The following ADAMTSL1 variants were observed in gnomAD, a reference collection of about 807,000 sequenced individuals.
ADAMTSL1 encodes ADAMTS like 1.
In ADAMTSL1, 126 loss-of-function variants were observed where a neutral mutation model predicts 201.8. The observed-to-expected ratio is 0.62, with a 90% confidence interval of 0.54 to 0.72. The LOEUF is 0.72. Among genes scored for constraint, ADAMTSL1 ranks in the 30% least tolerant of loss-of-function variants. ADAMTSL1 has a pLI of 0.00. For missense variants in ADAMTSL1, 2,679 were observed against 2,277.8 expected (o/e 1.18, Z -3.59); for synonymous variants, 1,121 against 903.4 (o/e 1.24, Z -4.32).
At chr9:18,726,710 A>G (rs1817916791) in intron 15 of ADAMTSL1, among the ~76,000 whole-genome samples, 1 of 152,218 alleles carries the variant, frequency 6.6e-6, no homozygotes, top group Non-Finnish European at 1.5e-5. Flanking sequence ...TTAAGTAAGC[A>G]ATGAAAGCCA....
chr9:18,121,337 A>G (rs1013778767), intron 1 of ADAMTSL1, among the ~76,000 whole-genome samples: 1 of 152,192 alleles, frequency 6.6e-6, no homozygotes, highest in Admixed American at 6.5e-5. Context: ...CAAAAAACTC[A>G]AACTAATTTG....
chr9:17,932,052 A>C (rs546604462), intron 1 of ADAMTSL1, among the ~76,000 whole-genome samples: 15 of 152,220 alleles, frequency 9.9e-5, no homozygotes, highest in Admixed American at 2.0e-4. Context: ...ACAGGTTTGG[A>C]TATCTTTGTG....
At chr9:18,124,416 A>G (rs966367399) in intron 1 of ADAMTSL1, among the ~76,000 whole-genome samples, 6 of 151,938 alleles carry the variant, frequency 3.9e-5, no homozygotes, top group Admixed American at 2.6e-4. Flanking sequence ...ATCTATTCAA[A>G]TGTTTTGCCA....
At chr9:18,868,243 C>T (rs984121861) in intron 23 of ADAMTSL1, among the ~76,000 whole-genome samples, 5 of 152,142 alleles carry the variant, frequency 3.3e-5, no homozygotes, top group Non-Finnish European at 1.5e-5. Context: ...TATTTTAACA[C>T]TCTGTTTTAA....
intron 1 of ADAMTSL1, among the ~76,000 whole-genome samples, chr9:18,501,407 A>G (rs544097229): frequency 2.7e-5 from 4 of 150,328 alleles, no homozygotes; most frequent in Admixed American, 6.7e-5. Context: ...GCTACTCAAG[A>G]GGCTGAGGCA....
intron 9 of ADAMTSL1, among the ~76,000 whole-genome samples, chr9:18,671,506 C>A (rs971233006): frequency 4.6e-5 from 7 of 152,080 alleles, no homozygotes; most frequent in African/African-American, 1.4e-4. Flanking sequence ...GTGAAGGTAG[C>A]CCCAGTGTAC....
intron 13 of ADAMTSL1, among the ~76,000 whole-genome samples, chr9:18,705,210 T>C (rs1587939515): frequency 6.6e-6 from 1 of 152,364 alleles, no homozygotes; most frequent in East Asian, 1.9e-4. Flanking sequence ...TTATCAGTTC[T>C]TTCATTGTCT....
intron 2 of ADAMTSL1, among the ~76,000 whole-genome samples, chr9:18,305,880 A>G (rs1012233950): frequency 6.6e-5 from 10 of 152,230 alleles, no homozygotes; most frequent in Admixed American, 5.2e-4. Context: ...TGCCTCCTCA[A>G]GTGGGTCCCT....
At chr9:18,045,136 G>A (rs182108361) in intron 1 of ADAMTSL1, among the ~76,000 whole-genome samples, 4 of 152,146 alleles carry the variant, frequency 2.6e-5, no homozygotes, top group Non-Finnish European at 2.9e-5. Flanking sequence ...AAGAAAGGAG[G>A]TTCTATTAGA....
rs371457789 is a variant in ADAMTSL1, at chr9:18,078,652, ACTTCT to A, written c.88-85204_88-85200del. ...TGAGTATTTTTGTGGTTTTTTCTAGACTTCTCTTCTAAGCCCCTCCAATCGTAACC... is the reference window on the plus strand; with the variant it reads ...TGAGTATTTTTGTGGTTTTTTCTAGACTTCTAAGCCCCTCCAATCGTAACC... On this transcript the variant is annotated intron_variant, in intron 1 of 29. Transcript: ENST00000680146. Among the ~76,000 whole-genome samples the A allele has an allele frequency of 3.9e-3, 591 of 152,138 alleles. 7 individuals are homozygous for A. Among genetic ancestry groups the A allele is most frequent in the African/African-American group, 0.013 (549 of 41,484 alleles).
At chr9:18,160,173 G>T (rs375049446) in intron 1 of ADAMTSL1, among the ~76,000 whole-genome samples, 2 of 151,962 alleles carry the variant, frequency 1.3e-5, no homozygotes, top group African/African-American at 4.8e-5. Flanking sequence ...GCTTTGGTGT[G>T]CCATGAATCA....
intron 2 of ADAMTSL1, among the ~76,000 whole-genome samples, chr9:18,387,896 C>T (rs940995004): frequency 1.2e-4 from 18 of 147,450 alleles, no homozygotes; most frequent in Non-Finnish European, 4.6e-5. Flanking sequence ...CTAAAATTCT[C>T]AATTTCTTCT....
chr9:18,345,706 C>A (rs1452953394), intron 2 of ADAMTSL1, among the ~76,000 whole-genome samples: 1 of 152,078 alleles, frequency 6.6e-6, no homozygotes, highest in Non-Finnish European at 1.5e-5. Flanking sequence ...GGAGAATATC[C>A]TCAGGGCAGA....
chr9:18,867,686 G>T (rs1048224386), intron 23 of ADAMTSL1, among the ~76,000 whole-genome samples: 3 of 151,994 alleles, frequency 2.0e-5, no homozygotes, highest in Non-Finnish European at 2.9e-5. Flanking sequence ...GAGTGCAGTG[G>T]TGTGATCTCA....
intron 13 of ADAMTSL1, among the ~76,000 whole-genome samples, chr9:18,694,488 G>A (rs1220777728): frequency 6.6e-6 from 1 of 152,062 alleles, no homozygotes; most frequent in African/African-American, 2.4e-5. Flanking sequence ...GTAAATACAC[G>A]CATTCTAAAC....
chr9:18,049,989 T>C (rs1488538955), intron 1 of ADAMTSL1, among the ~76,000 whole-genome samples: 1 of 152,210 alleles, frequency 6.6e-6, no homozygotes, highest in African/African-American at 2.4e-5. Context: ...GTTGGGAACT[T>C]CTGTCACTTG....
At chr9:18,482,466 A>G (rs1191686453) in intron 1 of ADAMTSL1, among the ~76,000 whole-genome samples, 3 of 152,184 alleles carry the variant, frequency 2.0e-5, no homozygotes, top group South Asian at 2.1e-4. Flanking sequence ...TTCCCCTTCA[A>G]TTTTTGTCCA....
chr9:18,218,586 T>C (rs969646270), intron 2 of ADAMTSL1, among the ~76,000 whole-genome samples: 2 of 152,190 alleles, frequency 1.3e-5, no homozygotes, highest in Admixed American at 6.5e-5. Context: ...TAATTGCCTG[T>C]TCATATCTTT....
At chr9:17,961,023 C>A (rs1007952738) in intron 1 of ADAMTSL1, among the ~76,000 whole-genome samples, 2 of 152,014 alleles carry the variant, frequency 1.3e-5, no homozygotes, top group African/African-American at 4.8e-5. Flanking sequence ...GAAAGTATAC[C>A]ATACGTCACT....
Sources: gnomAD v4.1 joint callset for allele counts (sites outside exome capture counted in the v4.1 genomes callset) on GRCh38, gnomAD v4.1.1 for gene constraint, MANE v1.5 for transcripts, NCBI Gene and HGNC (gene_info 2026-07-23, HGNC 2026-07-21) for gene names.